Variants in KCNH7 observed in about 807,000 individuals in gnomAD.
KCNH7 encodes the protein voltage-gated inwardly rectifying potassium channel KCNH7.
KCNH7 carries 49 observed loss-of-function variants against 120.8 expected under a neutral mutation model. That is an observed-to-expected ratio of 0.41 (90% CI 0.32 to 0.51). The LOEUF is 0.51. Ranked by LOEUF, KCNH7 falls within the 20% of genes least tolerant of loss-of-function variation. The pLI is 0.38. For missense variants in KCNH7, 1,097 were observed against 1,446.6 expected (o/e 0.76, Z 3.92); for synonymous variants, 547 against 516.1 (o/e 1.06, Z -0.81).
intron 3 of KCNH7, among the ~76,000 whole-genome samples, chr2:162,529,610 G>A (rs1034153554): frequency 2.6e-5 from 4 of 151,746 alleles, no homozygotes; most frequent in African/African-American, 7.3e-5. Flanking sequence ...TCTTATACTC[G>A]ATGACAGTAA....
intron 2 of KCNH7, among the ~76,000 whole-genome samples, chr2:162,663,378 ATTT>A (rs1218336496): frequency 6.6e-6 from 1 of 152,076 alleles, no homozygotes; most frequent in Admixed American, 6.5e-5. Context: ...TCTTTTTCAT[ATTT>A]AGCTTTATTT....
intron 2 of KCNH7, among the ~76,000 whole-genome samples, chr2:162,621,252 C>T (rs372358375): frequency 2.1e-3 from 109 of 52,036 alleles, no homozygotes; most frequent in Admixed American, 4.5e-3. Context: ...GTATCATCAT[C>T]TTTTTTTTTT....
chr2:162,432,503 T>C (rs1688103168), intron 8 of KCNH7, among the ~76,000 whole-genome samples: 1 of 152,064 alleles, frequency 6.6e-6, no homozygotes, highest in Non-Finnish European at 1.5e-5. Context: ...CATTTTATTA[T>C]CATGTTGACA....
chr2:162,811,534 C>T (rs1468154811), intron 2 of KCNH7, among the ~76,000 whole-genome samples: 4 of 151,882 alleles, frequency 2.6e-5, no homozygotes, highest in African/African-American at 4.8e-5. Context: ...AATATTAAAG[C>T]GAGGGTTTGT....
chr2:162,504,748 A>G (rs1558982609), intron 5 of KCNH7, 91 bp from the exon 6 acceptor site: 1 of 790,584 alleles, frequency 1.3e-6, no homozygotes, highest in Non-Finnish European at 2.1e-6. Flanking sequence ...TTCCTGACCA[A>G]TATGATCCTG....
At chr2:162,712,769 A>C (rs1286264648) in intron 2 of KCNH7, among the ~76,000 whole-genome samples, 1 of 152,222 alleles carries the variant, frequency 6.6e-6, no homozygotes, top group Non-Finnish European at 1.5e-5. Context: ...TAAAAAGCAT[A>C]GAAGCCAATT....
chr2:162,741,321 TTAA>T (rs1451561804), intron 2 of KCNH7, among the ~76,000 whole-genome samples: 6 of 149,794 alleles, frequency 4.0e-5, no homozygotes, highest in Non-Finnish European at 8.9e-5. Context: ...ATTACACATA[TTAA>T]TAACATATGT....
chr2:162,600,235 G>A (rs901329643), intron 2 of KCNH7, among the ~76,000 whole-genome samples: 2 of 152,018 alleles, frequency 1.3e-5, no homozygotes, highest in African/African-American at 4.8e-5. Context: ...TTACCTTCTG[G>A]TGATTGCCTT....
intron 5 of KCNH7, among the ~76,000 whole-genome samples, chr2:162,509,705 A>G (rs1034992992): frequency 2.0e-5 from 3 of 151,630 alleles, no homozygotes; most frequent in African/African-American, 7.2e-5. Flanking sequence ...ATGACAAGAT[A>G]CTGGGTAATG....
chr2:162,372,993 C>T (rs952104884), intron 15 of KCNH7, among the ~76,000 whole-genome samples: 1 of 152,074 alleles, frequency 6.6e-6, no homozygotes, highest in Non-Finnish European at 1.5e-5. Flanking sequence ...GGCATTTGAA[C>T]CTCAGGTCTA....
At chr2:162,730,224 G>A (rs1237713363) in intron 2 of KCNH7, among the ~76,000 whole-genome samples, 3 of 151,506 alleles carry the variant, frequency 2.0e-5, no homozygotes, top group East Asian at 1.9e-4. Flanking sequence ...ATACTAGAAA[G>A]AATTAATAGA....
At chr2:162,729,037 G>C (rs987622764) in intron 2 of KCNH7, among the ~76,000 whole-genome samples, 1 of 151,388 alleles carries the variant, frequency 6.6e-6, no homozygotes, top group Non-Finnish European at 1.5e-5. Flanking sequence ...CTGTTACAGC[G>C]CCATTTGTTT....
chr2:162,710,267 C>G (rs558804414), intron 2 of KCNH7, among the ~76,000 whole-genome samples: 1 of 152,194 alleles, frequency 6.6e-6, no homozygotes, highest in African/African-American at 2.4e-5. Flanking sequence ...GTGGGGAATG[C>G]CATAACAATT....
At chr2:162,499,222 T>C (rs1169752953) in intron 6 of KCNH7, among the ~76,000 whole-genome samples, 1 of 152,128 alleles carries the variant, frequency 6.6e-6, no homozygotes, top group Non-Finnish European at 1.5e-5. Flanking sequence ...AGTGCAAAAG[T>C]GTGGTTCACT....
intron 3 of KCNH7, among the ~76,000 whole-genome samples, chr2:162,524,525 G>T (rs183969568): frequency 2.7e-4 from 41 of 152,074 alleles, no homozygotes; most frequent in African/African-American, 8.9e-4. Context: ...GAAAAATTAT[G>T]ATCTGAATTA....
At chr2:162,677,408 T>C (rs1477677370) in intron 2 of KCNH7, among the ~76,000 whole-genome samples, 2 of 151,422 alleles carry the variant, frequency 1.3e-5, no homozygotes, top group Non-Finnish European at 3.0e-5. Context: ...TGAAGAAGAA[T>C]CCTTCATACC....
At chr2:162,372,192 T>C in intron 15 of KCNH7, 97 bp from the exon 16 acceptor site, 1 of 982,022 alleles carries the variant, frequency 1.0e-6, no homozygotes, top group Non-Finnish European at 1.5e-6. Context: ...TCTTTCCTCA[T>C]TAATCTATAT....
At chr2:162,464,431 C>A (rs1360076551) in intron 6 of KCNH7, among the ~76,000 whole-genome samples, 1 of 151,882 alleles carries the variant, frequency 6.6e-6, no homozygotes, top group Non-Finnish European at 1.5e-5. Flanking sequence ...CTAACTGAAA[C>A]AAAAAGTATT....
intron 6 of KCNH7, among the ~76,000 whole-genome samples, chr2:162,458,902 A>G (rs1038570718): frequency 4.0e-5 from 6 of 151,800 alleles, no homozygotes; most frequent in African/African-American, 1.5e-4. Context: ...GGTACTTGGG[A>G]GTCTGAGCTG....
Sources: gnomAD v4.1 joint callset for allele counts (sites outside exome capture counted in the v4.1 genomes callset) on GRCh38, gnomAD v4.1.1 for gene constraint, MANE v1.5 for transcripts, NCBI Gene and HGNC (gene_info 2026-07-23, HGNC 2026-07-21) for gene names.